Variants in NACC1 observed in about 807,000 individuals in gnomAD.
NACC1 encodes the protein nucleus accumbens associated 1.
In NACC1, 6 loss-of-function variants were observed where a neutral mutation model predicts 41.7. That is an observed-to-expected ratio of 0.14 (90% confidence interval 0.08 to 0.28). NACC1 has a LOEUF of 0.28. NACC1 is among the 10% of genes least tolerant of loss of function. The pLI is 1.00. For missense variants in NACC1, 434 were observed against 763.7 expected (o/e 0.57, Z 5.09); for synonymous variants, 338 against 330.6 (o/e 1.02, Z -0.24).
intron 1 of NACC1, among the ~76,000 whole-genome samples, chr19:13,133,148 T>C (rs1444078422): frequency 6.6e-6 from 1 of 152,118 alleles, no homozygotes; most frequent in Non-Finnish European, 1.5e-5. Flanking sequence ...ACCAGGGCCT[T>C]TGCATGTACT....
intron 1 of NACC1, among the ~76,000 whole-genome samples, chr19:13,120,601 A>G (rs2019477424): frequency 6.6e-6 from 1 of 152,168 alleles, no homozygotes; most frequent in South Asian, 2.1e-4. Context: ...GAGGAGTAGG[A>G]ACTGGGCCAG....
intron 1 of NACC1, among the ~76,000 whole-genome samples, chr19:13,128,119 C>T (rs1018240344): frequency 1.3e-5 from 2 of 152,150 alleles, no homozygotes; most frequent in African/African-American, 4.8e-5. Flanking sequence ...AGGACTGGAG[C>T]CAGGTCCTGA....
rs2019729182 is a variant in NACC1, at chr19:13,137,878, C to A, written c.1325-269C>A. Among the ~76,000 whole-genome samples the A allele has an allele frequency of 6.6e-6, 1 of 152,186 alleles. No homozygotes were observed. Among genetic ancestry groups the A allele is most frequent in the African/African-American group, 2.4e-5 (1 of 41,452 alleles). The stretch of plus-strand genomic sequence containing the variant: ...TCGTCATGGGGGGCATCTAGATTTT[C>A]AAGTGACCACTCCCCGTTACTAAAT... On this transcript the variant is annotated intron_variant, in intron 5 of 5. Transcript: ENST00000292431. The surrounding 1 kb of genome is among the most constrained non-coding windows in gnomAD (Gnocchi z 6.1).
Position 13,137,162 on chromosome 19 carries a change from C to G in NACC1, c.1121-109C>G, listed in dbSNP as rs1473924733. 1 of 1,082,810 alleles carries G rather than the reference C, an allele frequency of 9.2e-7. No individual in the cohort carries two copies. Among genetic ancestry groups the G allele is most frequent in the Non-Finnish European group, 1.4e-6 (1 of 723,548 alleles). 67.1% of individuals were successfully genotyped at this position (1,082,810 alleles called of 1,614,324 possible). Reference sequence around the variant, plus strand: ...GTCCCTGGGTGAGTTTTCTTGGGACCCAGAGCCCAGCAGGGAGGGCCTGGG... The same window carrying G: ...GTCCCTGGGTGAGTTTTCTTGGGACGCAGAGCCCAGCAGGGAGGGCCTGGG... On this transcript the variant is annotated intron_variant, in intron 3 of 5. Transcript: ENST00000292431. This position sits in a 1 kb window ranked among gnomAD's most constrained non-coding sequence, Gnocchi z 6.1.
At position 13,137,505 on chromosome 19, in the gene NACC1, C is replaced by T. The variant is rs780213965; in HGVS notation, c.1254C>T (p.Thr418=). 38 of 1,595,074 alleles carry T rather than the reference C, an allele frequency of 2.4e-5. No homozygotes were observed. Among genetic ancestry groups the T allele is most frequent in the East Asian group, 9.0e-5 (4 of 44,254 alleles). The stretch of plus-strand genomic sequence containing the variant: ...ACACGCTGGCCAACAGCTGCGGCAC[C>T]GGCATCCGCTCTTCTACCAACGATC... ...DRNTLANSCG[T]GIRSSTNDPR... The change falls in exon 5 of 6, where the codon ACC becomes ACT. Residue 418 remains threonine (T), a synonymous_variant. Transcript: ENST00000292431. The surrounding 1 kb of genome is among the most constrained non-coding windows in gnomAD (Gnocchi z 6.1).
intron 1 of NACC1, among the ~76,000 whole-genome samples, chr19:13,126,341 G>A (rs1599987038): frequency 3.3e-5 from 5 of 152,272 alleles, no homozygotes; most frequent in Admixed American, 6.5e-5. Context: ...GTGAGTCACC[G>A]TGCCCAGCCA....
At position 13,137,279 on chromosome 19, in the gene NACC1, G is replaced by A. The variant is rs1419582488; in HGVS notation, c.1129G>A (p.Val377Met). ...CGGCTTCCTCTCACCAGGCACCAAC[G>A]TGTACATCACAAGGGCGCAGCTGAT... Reference protein sequence around the residue: ...EKLELVTGTNVYITRAQLMNC... With the variant: ...EKLELVTGTNMYITRAQLMNC... The change falls in exon 4 of 6, where the codon GTG becomes ATG. Residue 377 changes from valine to methionine, a missense_variant. Transcript: ENST00000292431. This position sits in a 1 kb window ranked among gnomAD's most constrained non-coding sequence, Gnocchi z 6.1. 4 of 1,613,610 alleles carry A rather than the reference G, an allele frequency of 2.5e-6. No individual in the cohort carries two copies. Among genetic ancestry groups the A allele is most frequent in the East Asian group, 2.2e-5 (1 of 44,870 alleles).
intron 1 of NACC1, among the ~76,000 whole-genome samples, chr19:13,129,152 A>G (rs2019600140): frequency 6.6e-6 from 1 of 152,150 alleles, no homozygotes; most frequent in Non-Finnish European, 1.5e-5. Context: ...GGCAGGGTGC[A>G]CAGCTTGGGC....
At chr19:13,117,001 T>A (rs1486286088), upstream of NACC1, 1 of 154,090 alleles carries the variant, frequency 6.5e-6, no homozygotes, top group Non-Finnish European at 1.4e-5. Context: ...ACACATTATT[T>A]CAGAGCACCC....
In NACC1 at chr19:13,138,066, A is replaced by G. The variant is rs58467598; in HGVS notation, c.1325-81A>G. ...TTTCCCCTTTGAGAGGGAGTCGCAGATGCTGTAGGGGAGCTGGTGAGTAGG... is the reference window on the plus strand; with the variant it reads ...TTTCCCCTTTGAGAGGGAGTCGCAGGTGCTGTAGGGGAGCTGGTGAGTAGG... On this transcript the variant is annotated intron_variant, in intron 5 of 5. Transcript: ENST00000292431. This position sits in a 1 kb window ranked among gnomAD's most constrained non-coding sequence, Gnocchi z 5.7. The G allele has an allele frequency of 1.9e-4, 302 of 1,562,230 alleles. No homozygotes were observed. In the African/African-American group the frequency reaches 3.7e-3, roughly 19 times the overall value.
intron 1 of NACC1, among the ~76,000 whole-genome samples, chr19:13,125,504 T>G (rs868218110): frequency 1.8e-4 from 26 of 146,176 alleles, no homozygotes; most frequent in Middle Eastern, 7.1e-3. Context: ...CACCGCATCC[T>G]CCGCCTCCCA....
At chr19:13,132,363 G>T (rs1279504132) in intron 1 of NACC1, 1 of 149,756 alleles carries the variant, frequency 6.7e-6, no homozygotes, top group African/African-American at 2.5e-5. Flanking sequence ...GAGCCGAGAT[G>T]GCACCACTGC....
rs141874584 is a variant in NACC1, at chr19:13,138,446, AAC to A, written c.*53_*54del. 1,696 of 1,383,526 alleles carry A rather than the reference AAC, an allele frequency of 1.2e-3. 1 individual carries two copies. Among genetic ancestry groups the A allele is most frequent in the Middle Eastern group, 2.3e-3 (12 of 5,244 alleles). 85.7% of individuals were successfully genotyped at this position (1,383,526 alleles called of 1,614,324 possible). ...CGCGGGGCCACACACTTCCCCTCCC[AAC>A]ACACACACACACCTGCCATCTTGGT... On this transcript the variant is annotated 3_prime_UTR_variant, in exon 6 of 6. Coordinates refer to ENST00000292431, the MANE Select transcript of NACC1 (RefSeq NM_052876.4). This position sits in a 1 kb window ranked among gnomAD's most constrained non-coding sequence, Gnocchi z 5.7.
chr19:13,117,027 G>C (rs2019393827), upstream of NACC1: 1 of 152,782 alleles, frequency 6.5e-6, no homozygotes, highest in Non-Finnish European at 1.5e-5. Flanking sequence ...GAATGACTCA[G>C]GCTCTGGAGT....
Position 13,138,033 on chromosome 19 carries a change from C to A in NACC1, c.1325-114C>A. On this transcript the variant is annotated intron_variant, in intron 5 of 5. Coordinates refer to ENST00000292431, the MANE Select transcript of NACC1 (RefSeq NM_052876.4). The surrounding 1 kb of genome is among the most constrained non-coding windows in gnomAD (Gnocchi z 5.7). ...TAGTGTGGTGTCCTGGCCGCGTGGC[C>A]TCACTCGTTTCCCCTTTGAGAGGGA... 1 of 1,492,832 alleles carries A rather than the reference C, an allele frequency of 6.7e-7. No homozygotes were observed. Among genetic ancestry groups the A allele is most frequent in the Non-Finnish European group, 9.1e-7 (1 of 1,101,814 alleles). The allele number at this position is 1,492,832 out of a possible 1,614,324, so 92.5% of individuals were successfully genotyped here.
At chr19:13,119,806 G>GC (rs2019465953) in intron 1 of NACC1, among the ~76,000 whole-genome samples, 1 of 152,182 alleles carries the variant, frequency 6.6e-6, no homozygotes, top group Non-Finnish European at 1.5e-5. Context: ...CTCGTCCTGG[G>GC]CCAGGCCCTG....
At position 13,138,588 on chromosome 19, in the gene NACC1, C is replaced by T. The variant is rs568168864; in HGVS notation, c.*182C>T. On this transcript the variant is annotated 3_prime_UTR_variant, in exon 6 of 6. Coordinates refer to ENST00000292431, the MANE Select transcript of NACC1 (RefSeq NM_052876.4). The surrounding 1 kb of genome is among the most constrained non-coding windows in gnomAD (Gnocchi z 5.7). ...ACCGAGAGCTGGGCCGGGAGAGGAC[C>T]GCAGGGCAGGTGGCGTGAGGTCCGT... 2.2e-5 allele frequency: 20 copies of T among 907,364 alleles called. No homozygotes were observed. Among genetic ancestry groups the T allele is most frequent in the African/African-American group, 3.3e-5 (2 of 59,960 alleles). 56.2% of individuals were successfully genotyped at this position (907,364 alleles called of 1,614,324 possible). A position where few individuals can be genotyped will look rare whatever the true frequency, so the allele number is the denominator to read the frequency against.
chr19:13,135,004 A>G (rs554141383), intron 1 of NACC1, among the ~76,000 whole-genome samples, 196 bp from the exon 2 acceptor site: 1 of 152,300 alleles, frequency 6.6e-6, no homozygotes, highest in South Asian at 2.1e-4. Flanking sequence ...TTGACCACAT[A>G]TTGTAAAAGT....
Position 13,135,390 on chromosome 19 carries a change from C to T in NACC1, c.183C>T (p.Asn61=), listed in dbSNP as rs1347364831. The change falls in exon 2 of 6, where the codon AAC becomes AAT. Residue 61 remains asparagine (N), a synonymous_variant. Transcript: ENST00000292431. ...CCTACTTCCGGGACCTGTTCAACAA[C>T]AGCCGCAGCGCCGTGGTGGAGCTGC... The part of the protein sequence containing the change: ...SSSYFRDLFN[N]SRSAVVELPA... 1 of 1,613,558 alleles carries T rather than the reference C, an allele frequency of 6.2e-7. No homozygotes were observed. Among genetic ancestry groups the T allele is most frequent in the Admixed American group, 1.7e-5 (1 of 60,022 alleles).
Sources: allele counts gnomAD v4.1 joint callset (sites outside exome capture counted in the v4.1 genomes callset), GRCh38; gene constraint gnomAD v4.1.1; non-coding constraint Gnocchi (gnomAD v3.1); transcripts MANE v1.5; gene names NCBI Gene and HGNC (gene_info 2026-07-23, HGNC 2026-07-21).